AMZ1: variants seen among roughly 807,000 people sequenced by gnomAD.
AMZ1 encodes the protein archaelysin family metallopeptidase 1.
AMZ1 carries 39 observed loss-of-function variants against 29.9 expected under a neutral mutation model. The ratio of observed to expected loss-of-function variants is 1.30; its 90% confidence interval spans 1.01 to 1.70. AMZ1 has a LOEUF of 1.70. Ranked by LOEUF, AMZ1 falls within the 40% of genes most tolerant of loss-of-function variation. AMZ1 has a pLI of 0.00. For missense variants in AMZ1, 1,041 were observed against 680.6 expected (o/e 1.53, Z -5.89); for synonymous variants, 458 against 304.0 (o/e 1.51, Z -5.27).
downstream of AMZ1, among the ~76,000 whole-genome samples, chr7:2,721,446 G>A (rs989355907): frequency 1.3e-5 from 2 of 152,180 alleles, no homozygotes; most frequent in Admixed American, 6.5e-5. Context: ...TGGGCTGGGC[G>A]CAGTGGGTCA....
In AMZ1 at chr7:2,740,346, G is replaced by A. The variant is rs368248002; in HGVS notation, n.551-24366G>A. Reference sequence around the variant, plus strand: ...ACTGAAGGTAGGGACCTCATGATACGATAGTGCCTTCATAAGAAGAGACCG... The same window carrying A: ...ACTGAAGGTAGGGACCTCATGATACAATAGTGCCTTCATAAGAAGAGACCG... On this transcript the variant is annotated intron_variant and non_coding_transcript_variant, in intron 4 of 4. Coordinates refer to the AMZ1 transcript ENST00000489665. Among the ~76,000 whole-genome samples, 7 of 152,220 alleles carry A rather than the reference G, an allele frequency of 4.6e-5. No homozygotes were observed. In the South Asian group the frequency reaches 1.5e-3, roughly 32 times the overall value.
At chr7:2,721,703 G>A (rs552305775), downstream of AMZ1, among the ~76,000 whole-genome samples, 21 of 146,550 alleles carry the variant, frequency 1.4e-4, no homozygotes, top group East Asian at 6.0e-4. Context: ...GCAACAGAGC[G>A]AGACTACGTC....
chr7:2,683,183 C>T (rs1477719305), intron 1 of AMZ1, among the ~76,000 whole-genome samples: 1 of 152,210 alleles, frequency 6.6e-6, no homozygotes, highest in Non-Finnish European at 1.5e-5. Flanking sequence ...CCTGCGGCTG[C>T]CGTGACAAAT....
At chr7:2,705,308 C>A (rs926483993) in intron 3 of AMZ1, among the ~76,000 whole-genome samples, 3 of 152,228 alleles carry the variant, frequency 2.0e-5, no homozygotes, top group African/African-American at 7.2e-5. Context: ...CCCACTCCCC[C>A]ACCCCAGAAA....
chr7:2,695,099 C>T (rs1204907902), intron 1 of AMZ1, among the ~76,000 whole-genome samples: 4 of 152,338 alleles, frequency 2.6e-5, no homozygotes, highest in Non-Finnish European at 5.9e-5. Context: ...GGTCTGTCCT[C>T]ACGGCTCCTC....
At chr7:2,707,972 C>T (rs777791782) in intron 3 of AMZ1, among the ~76,000 whole-genome samples, 1 of 151,948 alleles carries the variant, frequency 6.6e-6, no homozygotes, top group Non-Finnish European at 1.5e-5. Context: ...TACAGGCACG[C>T]ACCACCAGGC....
intron 4 of AMZ1, chr7:2,730,210 A>T (rs1322738840): frequency 1.3e-5 from 2 of 152,348 alleles, no homozygotes; most frequent in African/African-American, 4.8e-5. Flanking sequence ...CCAGAAGAGG[A>T]ATGTTTCTGA....
At chr7:2,737,830 G>A (rs78675010) in intron 4 of AMZ1, among the ~76,000 whole-genome samples, 1 of 152,188 alleles carries the variant, frequency 6.6e-6, no homozygotes, top group Non-Finnish European at 1.5e-5. Flanking sequence ...AAATATTAAA[G>A]TTAGCATTTG....
chr7:2,760,439 C>A (rs922184045), upstream of AMZ1: 1 of 152,440 alleles, frequency 6.6e-6, no homozygotes, highest in Non-Finnish European at 1.5e-5. Flanking sequence ...CTTTCCCGGA[C>A]GCTGTGGTAA....
intron 4 of AMZ1, among the ~76,000 whole-genome samples, chr7:2,750,035 A>G (rs1229847580): frequency 1.3e-5 from 2 of 152,226 alleles, no homozygotes; most frequent in Non-Finnish European, 2.9e-5. Context: ...AAATTTACAG[A>G]TTTCAAGAAG....
chr7:2,757,806 C>G lies in AMZ1; in HGVS notation n.551-6906C>G, dbSNP rs115187003. Among the ~76,000 whole-genome samples the G allele has an allele frequency of 3.1e-3, 475 of 152,310 alleles. 3 individuals are homozygous for G. The highest frequency in any genetic ancestry group is 0.011 in the African/African-American group (458 of 41,562). ...AGGGACCTCTTGCACTTAGTACGTA[C>G]TGAACGCTTGCTGAGTCAATGAAGA... On this transcript the variant is annotated intron_variant and non_coding_transcript_variant, in intron 4 of 4. Transcript: ENST00000489665.
chr7:2,692,179 C>T (rs938457859), intron 1 of AMZ1, among the ~76,000 whole-genome samples: 12 of 152,148 alleles, frequency 7.9e-5, no homozygotes, highest in African/African-American at 2.7e-4. Context: ...CTTGGGCCAG[C>T]CAGGCTCCTG....
At chr7:2,757,129 CTTTTTTTTT>C (rs71026549) in intron 4 of AMZ1, among the ~76,000 whole-genome samples, 1 of 94,004 alleles carries the variant, frequency 1.1e-5, no homozygotes, top group African/African-American at 4.3e-5. Context: ...TCAGGTGGGC[CTTTTTTTTT>C]TTTTTTTTTT....
chr7:2,754,682 G>A (rs770698121), intron 4 of AMZ1, among the ~76,000 whole-genome samples: 4 of 152,088 alleles, frequency 2.6e-5, no homozygotes, highest in African/African-American at 4.8e-5. Flanking sequence ...CCAGGAGACT[G>A]AGGCTGCAGT....
At chr7:2,711,109 C>CGT in intron 6 of AMZ1, among the ~76,000 whole-genome samples, 1 of 152,338 alleles carries the variant, frequency 6.6e-6, no homozygotes, top group Middle Eastern at 3.4e-3. Flanking sequence ...GTAGCTCCTC[C>CGT]TCCTGCCCAG....
intron 4 of AMZ1, among the ~76,000 whole-genome samples, chr7:2,747,542 T>C (rs947285895): frequency 7.9e-5 from 12 of 152,014 alleles, no homozygotes; most frequent in African/African-American, 2.9e-4. Flanking sequence ...GAGCTATCTA[T>C]GACAAACCCA....
intron 1 of AMZ1, among the ~76,000 whole-genome samples, chr7:2,689,173 T>A (rs1402528400): frequency 2.0e-5 from 3 of 152,352 alleles, no homozygotes; most frequent in African/African-American, 7.2e-5. Flanking sequence ...TCGATGCAGC[T>A]GCTGGGAGGT....
intron 1 of AMZ1, among the ~76,000 whole-genome samples, chr7:2,682,888 A>G (rs927482823): frequency 2.3e-4 from 35 of 151,868 alleles, no homozygotes; most frequent in Admixed American, 1.2e-3. Context: ...CACCTGGCAC[A>G]CCCCCATCTC....
At chr7:2,708,068 C>T (rs1226650327) in intron 3 of AMZ1, among the ~76,000 whole-genome samples, 1 of 151,936 alleles carries the variant, frequency 6.6e-6, no homozygotes, top group African/African-American at 2.4e-5. Context: ...GGTGATCTGC[C>T]CATCTTGGCC....
Sources: allele counts gnomAD v4.1 joint callset (sites outside exome capture counted in the v4.1 genomes callset), GRCh38; gene constraint gnomAD v4.1.1; transcripts MANE v1.5; gene names NCBI Gene and HGNC (gene_info 2026-07-23, HGNC 2026-07-21).